TSPAN19: variants seen among roughly 807,000 people sequenced by gnomAD.
TSPAN19 encodes tetraspanin-19.
Under a neutral mutation model 35.1 loss-of-function variants are expected in TSPAN19, and 44 were observed. The observed-to-expected ratio is 1.25, with a 90% CI of 0.98 to 1.61. TSPAN19 has a LOEUF of 1.61. Among genes scored for constraint, TSPAN19 ranks in the 40% most tolerant of loss-of-function variants. The pLI is 0.00. For synonymous variants in TSPAN19, 79 were observed against 92.0 expected (o/e 0.86, Z 0.81); for missense variants, 290 against 280.0 (o/e 1.04, Z -0.26).
intron 4 of TSPAN19, among the ~76,000 whole-genome samples, chr12:85,025,906 T>C (rs1303930021): frequency 6.6e-6 from 1 of 152,222 alleles, no homozygotes; most frequent in Non-Finnish European, 1.5e-5. Flanking sequence ...GAAAGATATA[T>C]TCATCAGAAA....
chr12:85,019,075 T>C (rs574612733), intron 6 of TSPAN19, among the ~76,000 whole-genome samples: 19 of 151,980 alleles, frequency 1.3e-4, no homozygotes, highest in Non-Finnish European at 2.5e-4. Flanking sequence ...AGCTAAAAAG[T>C]GTTAGTTGCA....
intron 6 of TSPAN19, among the ~76,000 whole-genome samples, chr12:85,018,586 A>G (rs1039167552): frequency 3.3e-5 from 5 of 152,098 alleles, no homozygotes; most frequent in South Asian, 2.1e-4. Flanking sequence ...GATCACATAC[A>G]TAAGAGAAAA....
chr12:85,036,155 T>G (rs768012563), intron 1 of TSPAN19, 49 bp downstream of exon 1: 15 of 152,220 alleles, frequency 9.9e-5, no homozygotes, highest in Non-Finnish European at 1.8e-4. Context: ...TATAACAAAA[T>G]TTCATTTTAT....
chr12:85,016,245 A>G (rs1876789633), intron 7 of TSPAN19: 2 of 290,174 alleles, frequency 6.9e-6, no homozygotes, highest in Non-Finnish European at 1.3e-5. Context: ...TCTGCAGACT[A>G]TTGTAATTCA....
At chr12:85,015,071 G>T (rs1876718299) in intron 8 of TSPAN19, 1 of 151,912 alleles carries the variant, frequency 6.6e-6, no homozygotes, top group Admixed American at 6.6e-5. Context: ...GAATGTCTTG[G>T]TTTACTACCA....
At chr12:85,022,468 G>A (rs540241890) in intron 5 of TSPAN19, among the ~76,000 whole-genome samples, 23 of 152,076 alleles carry the variant, frequency 1.5e-4, no homozygotes, top group African/African-American at 5.6e-4. Flanking sequence ...TAATTAAGGC[G>A]AGGTAAGAGA....
chr12:85,015,728 T>C (rs1876757179), intron 8 of TSPAN19, 160 bp downstream of exon 8: 1 of 508,326 alleles, frequency 2.0e-6, no homozygotes, highest in Non-Finnish European at 3.4e-6. Context: ...ACCTGGCTGA[T>C]TAAGGAATCA....
At chr12:85,024,408 T>A (rs1877286320) in intron 4 of TSPAN19, among the ~76,000 whole-genome samples, 1 of 152,200 alleles carries the variant, frequency 6.6e-6, no homozygotes, top group Non-Finnish European at 1.5e-5. Flanking sequence ...TTCCTGGCTC[T>A]ATTTTGTCTG....
chr12:85,017,625 A>G, intron 6 of TSPAN19, 26 bp from the exon 7 acceptor site: 1 of 1,505,694 alleles, frequency 6.6e-7, no homozygotes, highest in Non-Finnish European at 8.9e-7. Context: ...TATGAATTTT[A>G]CCATAAAATG....
At chr12:85,021,739 G>T (rs948372168) in intron 5 of TSPAN19, among the ~76,000 whole-genome samples, 4 of 152,102 alleles carry the variant, frequency 2.6e-5, no homozygotes, top group Non-Finnish European at 4.4e-5. Context: ...AATCCAGTTT[G>T]AATGCAGAAG....
intron 6 of TSPAN19, 126 bp downstream of exon 6, chr12:85,019,500 C>T: frequency 1.7e-6 from 1 of 585,830 alleles, no homozygotes. Context: ...CCTTTTTGCC[C>T]AGTTTGTTTG....
rs745732827 is a variant in TSPAN19 at position 85,028,006 on chromosome 12, T to A, written c.157A>T (p.Ile53Leu). The A allele has an allele frequency of 7.0e-6, 11 of 1,573,370 alleles. No homozygotes were observed. In the African/African-American group the frequency reaches 1.4e-4, roughly 20 times the overall value. The change falls in exon 4 of 9, where the codon ATA becomes TTA. Residue 53 changes from isoleucine to leucine, a missense_variant. Coordinates refer to ENST00000532498, the MANE Select transcript of TSPAN19 (RefSeq NM_001100917.2). ...ATCAAAATTTGAGAAATAGGTACTATGAAGTGATTATTTTCATCTGTGAAA... is the reference window on the plus strand; with the variant it reads ...ATCAAAATTTGAGAAATAGGTACTAAGAAGTGATTATTTTCATCTGTGAAA... Reference protein sequence around the residue: ...LTAFDENNHFIVPISQILIGM... With the variant: ...LTAFDENNHFLVPISQILIGM...
At chr12:85,023,809 C>A (rs767834984) in intron 4 of TSPAN19, among the ~76,000 whole-genome samples, 14 of 152,174 alleles carry the variant, frequency 9.2e-5, no homozygotes, top group Non-Finnish European at 1.8e-4. Context: ...ACAAAAGCAA[C>A]TGCAATAATA....
intron 4 of TSPAN19, among the ~76,000 whole-genome samples, chr12:85,025,636 C>T (rs1272487201): frequency 2.0e-5 from 3 of 152,068 alleles, no homozygotes; most frequent in African/African-American, 7.2e-5. Flanking sequence ...AGCGATTCTC[C>T]TGCCTCAGCC....
chr12:85,021,793 T>G (rs148422299), intron 5 of TSPAN19, among the ~76,000 whole-genome samples: 1 of 152,244 alleles, frequency 6.6e-6, no homozygotes, highest in East Asian at 1.9e-4. Context: ...GGTCAGCTAA[T>G]GAGTATTTGA....
chr12:85,022,296 A>G (rs146475345), intron 5 of TSPAN19, among the ~76,000 whole-genome samples: 1 of 152,130 alleles, frequency 6.6e-6, no homozygotes, highest in African/African-American at 2.4e-5. Context: ...GGCCATTAAC[A>G]GTAGGCACTG....
intron 8 of TSPAN19, 76 bp from the exon 9 acceptor site, chr12:85,014,631 G>T: frequency 9.0e-7 from 1 of 1,106,030 alleles, no homozygotes; most frequent in Non-Finnish European, 1.3e-6. Context: ...ACAATATATA[G>T]TCACCAAAAT....
chr12:85,035,906 A>AT (rs1202307547), intron 1 of TSPAN19, among the ~76,000 whole-genome samples: 1 of 151,914 alleles, frequency 6.6e-6, no homozygotes, highest in African/African-American at 2.4e-5. Context: ...TTGATTGATG[A>AT]TTTTTTTCTT....
At chr12:85,034,013 G>A (rs903213921) in intron 1 of TSPAN19, among the ~76,000 whole-genome samples, 1 of 152,006 alleles carries the variant, frequency 6.6e-6, no homozygotes, top group African/African-American at 2.4e-5. Flanking sequence ...TGGAAACTGT[G>A]GGAAAGTCAT....
Sources: gnomAD v4.1 joint callset for allele counts (sites outside exome capture counted in the v4.1 genomes callset) on GRCh38, gnomAD v4.1.1 for gene constraint, MANE v1.5 for transcripts, NCBI Gene and HGNC (gene_info 2026-07-23, HGNC 2026-07-21) for gene names.